Variants in PTH2R observed in about 807,000 individuals in gnomAD.
PTH2R encodes parathyroid hormone 2 receptor, also known as PTH2 receptor.
A neutral mutation model predicts 60.3 loss-of-function variants in PTH2R; 59 were observed. The observed-to-expected ratio is 0.98, with a 90% CI of 0.79 to 1.22. The LOEUF (loss-of-function observed/expected upper bound fraction) is 1.22, where lower values mean the gene tolerates loss of function less well. Ranked by LOEUF, PTH2R falls within the 50% of genes most tolerant of loss-of-function variation. The pLI is 0.00. For synonymous variants in PTH2R, 256 were observed against 243.8 expected (o/e 1.05, Z -0.47); for missense variants, 749 against 682.6 (o/e 1.10, Z -1.08).
intron 9 of PTH2R, among the ~76,000 whole-genome samples, chr2:208,462,567 A>C (rs1702655241): frequency 1.3e-5 from 2 of 152,252 alleles, no homozygotes; most frequent in African/African-American, 4.8e-5. Flanking sequence ...GATTATACAC[A>C]GTGAACCCAA....
intron 1 of PTH2R, among the ~76,000 whole-genome samples, chr2:208,425,763 G>C (rs1354914803): frequency 6.6e-6 from 1 of 152,152 alleles, no homozygotes; most frequent in African/African-American, 2.4e-5. Flanking sequence ...TAGAGAGCAG[G>C]CTTCTCTTGA....
At chr2:208,484,922 T>G (rs963605263) in intron 10 of PTH2R, among the ~76,000 whole-genome samples, 2 of 152,180 alleles carry the variant, frequency 1.3e-5, no homozygotes, top group Non-Finnish European at 2.9e-5. Flanking sequence ...AGGAGCATGG[T>G]GCTTAATGGC....
intron 4 of PTH2R, among the ~76,000 whole-genome samples, chr2:208,440,424 A>G (rs1184706420): frequency 6.6e-6 from 1 of 152,208 alleles, no homozygotes. Flanking sequence ...ATTAAGAGAA[A>G]ATAATAAGTA....
chr2:208,378,560 C>G (rs1700854366), intron 1 of PTH2R, among the ~76,000 whole-genome samples: 1 of 151,816 alleles, frequency 6.6e-6, no homozygotes, highest in Admixed American at 6.6e-5. Flanking sequence ...AGGGTGGAGC[C>G]CTCCCGAATA....
intron 11 of PTH2R, among the ~76,000 whole-genome samples, chr2:208,489,464 T>C (rs1181596049): frequency 6.6e-6 from 1 of 152,020 alleles, no homozygotes; most frequent in East Asian, 1.9e-4. Flanking sequence ...CTTGTGTGTA[T>C]GGAAGATAAA....
At chr2:208,478,868 A>G (rs1324482295) in intron 9 of PTH2R, among the ~76,000 whole-genome samples, 1 of 152,170 alleles carries the variant, frequency 6.6e-6, no homozygotes, top group Non-Finnish European at 1.5e-5. Context: ...TCATCTGTGA[A>G]ATGGGGACAA....
intron 2 of PTH2R, among the ~76,000 whole-genome samples, chr2:208,436,726 G>C (rs77277893): frequency 0.041 from 6,307 of 152,174 alleles, 407 homozygotes; most frequent in African/African-American, 0.14. Flanking sequence ...GAGACATCCT[G>C]TTTCTGGGAG....
intron 12 of PTH2R, among the ~76,000 whole-genome samples, 175 bp downstream of exon 12, chr2:208,490,855 A>C (rs1011962828): frequency 5.9e-5 from 9 of 152,224 alleles, no homozygotes; most frequent in Admixed American, 5.9e-4. Flanking sequence ...AATAACCTAA[A>C]GTCTTCCTCT....
In PTH2R at chr2:208,437,590, G is replaced by A. The variant is rs866061630; in HGVS notation, c.232G>A (p.Val78Met). 12 of 1,613,836 alleles carry A rather than the reference G, an allele frequency of 7.4e-6. 1 individual carries two copies. The Middle Eastern group carries it at 1.8e-3, about 244-fold the overall frequency. The change falls in exon 3 of 13, where the codon GTG becomes ATG. Residue 78 changes from valine to methionine, a missense_variant. Transcript: ENST00000272847. ...ACTCATTTGTTGGCCCAGAGGAACAGTGGGGAAAATATCGGCTGTTCCATG... is the reference window on the plus strand; with the variant it reads ...ACTCATTTGTTGGCCCAGAGGAACAATGGGGAAAATATCGGCTGTTCCATG... ...DGLICWPRGT[V>M]GKISAVPCPP...
intron 4 of PTH2R, among the ~76,000 whole-genome samples, chr2:208,438,632 A>G (rs1175040303): frequency 6.6e-6 from 1 of 152,222 alleles, no homozygotes; most frequent in Non-Finnish European, 1.5e-5. Flanking sequence ...AGACCTCGTG[A>G]GTAAAAATGC....
chr2:208,375,380 A>T (rs1700774806), intron 1 of PTH2R, among the ~76,000 whole-genome samples: 1 of 152,138 alleles, frequency 6.6e-6, no homozygotes, highest in Admixed American at 6.5e-5. Flanking sequence ...GTAGAAGGAC[A>T]ATGTAAAACT....
At chr2:208,385,264 G>A (rs1042514328) in intron 1 of PTH2R, among the ~76,000 whole-genome samples, 6 of 152,240 alleles carry the variant, frequency 3.9e-5, no homozygotes, top group East Asian at 1.9e-4. Flanking sequence ...TAAAGGACAC[G>A]AACAAGTTAT....
At chr2:208,481,986 T>G (rs1398331656) in intron 10 of PTH2R, among the ~76,000 whole-genome samples, 4 of 152,240 alleles carry the variant, frequency 2.6e-5, no homozygotes. Flanking sequence ...ATTATCATTT[T>G]GGAAATTCTG....
At chr2:208,412,621 A>G (rs1011807010) in intron 1 of PTH2R, among the ~76,000 whole-genome samples, 1 of 152,218 alleles carries the variant, frequency 6.6e-6, no homozygotes, top group South Asian at 2.1e-4. Context: ...CTGTACTGGG[A>G]GATAGGACAC....
intron 2 of PTH2R, among the ~76,000 whole-genome samples, chr2:208,434,173 G>A (rs963366000): frequency 7.9e-5 from 12 of 152,108 alleles, no homozygotes; most frequent in Non-Finnish European, 1.0e-4. Flanking sequence ...AATTAGCTGG[G>A]TGTGGTGGCG....
At chr2:208,440,976 G>C (rs148375801) in intron 4 of PTH2R, among the ~76,000 whole-genome samples, 2 of 152,252 alleles carry the variant, frequency 1.3e-5, no homozygotes, top group African/African-American at 4.8e-5. Flanking sequence ...GGCACAGGGG[G>C]CCCTCACTAA....
At chr2:208,430,638 C>T (rs1010375971) in intron 2 of PTH2R, among the ~76,000 whole-genome samples, 1 of 152,006 alleles carries the variant, frequency 6.6e-6, no homozygotes, top group African/African-American at 2.4e-5. Flanking sequence ...GCTCCGCCTC[C>T]CGGGTTCACA....
chr2:208,488,907 C>T, intron 10 of PTH2R, 105 bp from the exon 11 acceptor site: 1 of 1,168,956 alleles, frequency 8.6e-7, no homozygotes, highest in South Asian at 1.5e-5. Context: ...AAAGTGTCAG[C>T]CCCACCCCCA....
chr2:208,359,773 A>G (rs1574799149), exon 1 of PTH2R: 1 of 155,126 alleles, frequency 6.4e-6, no homozygotes, highest in East Asian at 1.9e-4. Flanking sequence ...ACAGGAACTC[A>G]CACCTGTGGG....
Sources: gnomAD v4.1 joint callset for allele counts (sites outside exome capture counted in the v4.1 genomes callset) on GRCh38, gnomAD v4.1.1 for gene constraint, MANE v1.5 for transcripts, NCBI Gene and HGNC (gene_info 2026-07-23, HGNC 2026-07-21) for gene names.